The following ITGAX variants were observed in gnomAD, a reference collection of about 807,000 sequenced individuals.
The protein encoded by ITGAX is integrin subunit alpha X.
In ITGAX, 99 loss-of-function variants were observed where a neutral mutation model predicts 140.2. That is an observed-to-expected ratio of 0.71 (90% CI 0.60 to 0.83). The LOEUF is 0.83. Among genes scored for constraint, ITGAX ranks in the 40% least tolerant of loss-of-function variants. ITGAX has a pLI of 0.00. For synonymous variants in ITGAX, 631 were observed against 600.4 expected, an observed-to-expected ratio of 1.05 and a Z score of -0.75; for missense variants, 1,444 against 1,482.0, an observed-to-expected ratio of 0.97 and a Z score of 0.42.
chr16:31,372,498 T>G lies in ITGAX; in HGVS notation c.2281T>G (p.Phe761Val). ...GCTGGCCGCCGATGCTCAGAGATAC[T>G]TCACGGCCTCCGTGAGTCCTGGCAC... ...PMLAADAQRY[F>V]TASLPFEKNC... The change falls in exon 18 of 30, where the codon TTC (phenylalanine) becomes GTC (valine). Residue 761 changes from phenylalanine (F) to valine (V), a missense_variant. By Grantham distance (50) the Phe-to-Val change is conservative. Transcript: ENST00000268296. 2 of 1,609,698 alleles carry G rather than the reference T, an allele frequency of 1.2e-6. No individual in the cohort carries two copies. Among genetic ancestry groups the G allele is most frequent in the Non-Finnish European group, 1.7e-6 (2 of 1,178,886 alleles).
intron 1 of ITGAX, among the ~76,000 whole-genome samples, 185 bp from the exon 2 acceptor site, chr16:31,355,708 A>T (rs1486622496): frequency 1.3e-5 from 2 of 152,104 alleles, no homozygotes; most frequent in African/African-American, 4.8e-5. Flanking sequence ...TCGATAGTGG[A>T]TGGTGGGCAA....
At chr16:31,372,167 G>A (rs1008255554) in intron 17 of ITGAX, among the ~76,000 whole-genome samples, 3 of 138,836 alleles carry the variant, frequency 2.2e-5, no homozygotes, top group Admixed American at 6.9e-5. Context: ...GGGAGGTCTG[G>A]GGGGGGGGAG....
In ITGAX at chr16:31,371,106, C is replaced by T; in HGVS notation, c.1733C>T (p.Ser578Phe). The change falls in exon 15 of 30, where the codon TCC (serine) becomes TTC (phenylalanine). Residue 578 changes from serine (S) to phenylalanine (F), a missense_variant. Physicochemically the swap from Ser to Phe is radical, Grantham distance 155 (BLOSUM62 -2). Coordinates refer to ENST00000268296, the MANE Select transcript of ITGAX (RefSeq NM_000887.5). ...HSQRIAGSQL[S>F]SRLQYFGQAL... Reference sequence around the variant, plus strand: ...CAGCGGATCGCGGGCTCCCAGCTCTCCTCCAGGCTGCAGTATTTTGGGCAG... The same window carrying T: ...CAGCGGATCGCGGGCTCCCAGCTCTTCTCCAGGCTGCAGTATTTTGGGCAG... The T allele has an allele frequency of 1.2e-6, 2 of 1,614,138 alleles. No individual in the cohort carries two copies. Among genetic ancestry groups the T allele is most frequent in the East Asian group, 2.2e-5 (1 of 44,884 alleles).
chr16:31,377,386 C>T (rs2081030628), intron 23 of ITGAX, 121 bp downstream of exon 23: 2 of 757,766 alleles, frequency 2.6e-6, no homozygotes, highest in Non-Finnish European at 4.3e-6. Context: ...ACTAAAAGGT[C>T]AGGTGTTTCA....
chr16:31,375,563 C>A (rs2081012496), intron 20 of ITGAX, among the ~76,000 whole-genome samples: 1 of 152,230 alleles, frequency 6.6e-6, no homozygotes, highest in African/African-American at 2.4e-5. Context: ...CTTATATGAC[C>A]TCAACACCAT....
chr16:31,360,828 A>C, intron 8 of ITGAX: 1 of 539,726 alleles, frequency 1.9e-6, no homozygotes, highest in South Asian at 2.3e-5. Flanking sequence ...CCTTTCAAGG[A>C]TAGAAACACC....
intron 14 of ITGAX, among the ~76,000 whole-genome samples, chr16:31,365,797 C>T (rs2080886863): frequency 6.6e-6 from 1 of 152,216 alleles, no homozygotes; most frequent in South Asian, 2.1e-4. Context: ...ATGGCGCATG[C>T]CTATAATCCC....
intron 17 of ITGAX, 61 bp from the exon 18 acceptor site, chr16:31,372,317 A>G: frequency 6.4e-7 from 1 of 1,555,022 alleles, no homozygotes; most frequent in Middle Eastern, 2.2e-4. Context: ...ACTGCGGATG[A>G]GGCCGAGCGC....
At chr16:31,376,655 C>T in intron 20 of ITGAX, 144 bp from the exon 21 acceptor site, 2 of 699,618 alleles carry the variant, frequency 2.9e-6, no homozygotes, top group South Asian at 3.6e-5. Context: ...AAAACATAAG[C>T]TTAAGGTGGG....
chr16:31,380,418 A>G, intron 27 of ITGAX, 39 bp downstream of exon 27: 1 of 1,611,154 alleles, frequency 6.2e-7, no homozygotes, highest in Non-Finnish European at 8.5e-7. Context: ...CCCCAGACTC[A>G]GGCGGGACCT....
intron 1 of ITGAX, among the ~76,000 whole-genome samples, chr16:31,355,596 G>A (rs983421794): frequency 2.0e-5 from 3 of 152,340 alleles, no homozygotes; most frequent in Non-Finnish European, 2.9e-5. Context: ...GCTTTGGTCC[G>A]CAAGTTTTCC....
intron 14 of ITGAX, among the ~76,000 whole-genome samples, chr16:31,365,299 A>C (rs1229746950): frequency 6.6e-6 from 1 of 152,148 alleles, no homozygotes; most frequent in Non-Finnish European, 1.5e-5. Flanking sequence ...TAGTGGTTTC[A>C]CAACTCTCTA....
chr16:31,378,451 G>T (rs1466296665), intron 23 of ITGAX, among the ~76,000 whole-genome samples: 1 of 152,022 alleles, frequency 6.6e-6, no homozygotes, highest in East Asian at 1.9e-4. Context: ...TCTGCAGGCA[G>T]CTATGAGCTC....
intron 14 of ITGAX, among the ~76,000 whole-genome samples, chr16:31,364,592 G>A (rs8058958): frequency 0.031 from 4,726 of 152,188 alleles, 263 homozygotes; most frequent in African/African-American, 0.11. Flanking sequence ...CTACTAGAAT[G>A]GCTAGAAACA....
At chr16:31,362,261 C>T in intron 11 of ITGAX, 57 bp downstream of exon 11, 1 of 1,607,846 alleles carries the variant, frequency 6.2e-7, no homozygotes. Context: ...AGGGTGGGGT[C>T]CAGGGTTCTG....
rs777199815 is a variant in ITGAX, at chr16:31,372,427, C to T, written c.2210C>T (p.Thr737Met). ...CCCATTACCTTGCGTCTGAACTTCACGCTGGTGGGCAAGCCCCTCCTTGCC... is the reference window on the plus strand; with the variant it reads ...CCCATTACCTTGCGTCTGAACTTCATGCTGGTGGGCAAGCCCCTCCTTGCC... ...VTPITLRLNF[T>M]LVGKPLLAFR... The change falls in exon 18 of 30, where the codon ACG (threonine) becomes ATG (methionine). Residue 737 changes from threonine to methionine, a missense_variant. Physicochemically the swap from Thr to Met is moderately conservative, Grantham distance 81. Transcript: ENST00000268296. The T allele has an allele frequency of 5.0e-6, 8 of 1,609,398 alleles. No individual in the cohort carries two copies. The highest frequency in any genetic ancestry group is 6.8e-6 in the Non-Finnish European group (8 of 1,178,862).
chr16:31,382,873 A>G lies in ITGAX; in HGVS notation c.*966A>G. 1 of 202,572 alleles carries G rather than the reference A, an allele frequency of 4.9e-6. No homozygotes were observed. 12.5% of individuals were successfully genotyped at this position (202,572 alleles called of 1,614,324 possible). ...ATAGTACCTGAAAAAATGCCAAGAC[A>G]TGATTATTTTTTTAAAAAGCGTACT... On this transcript the variant is annotated 3_prime_UTR_variant, in exon 30 of 30. Transcript: ENST00000268296.
chr16:31,373,094 T>TA (rs967685799), intron 19 of ITGAX, among the ~76,000 whole-genome samples, 155 bp from the exon 20 acceptor site: 13 of 114,384 alleles, frequency 1.1e-4, no homozygotes, highest in South Asian at 8.7e-4. Flanking sequence ...CTCTGTCTCT[T>TA]AAAAAAAAAG....
In ITGAX at chr16:31,363,236, TC is replaced by T; in HGVS notation, c.1573del (p.Leu525Ter). On this transcript the variant is annotated frameshift_variant, in exon 14 of 30. Coordinates refer to ENST00000268296, the MANE Select transcript of ITGAX (RefSeq NM_000887.5). LOFTEE classifies it high-confidence loss of function. ...GHPWGRFGAA[L>X]TVLGDVNGDK... ...ACCCCTGGGGTCGCTTTGGGGCGGCTCTGACAGTGCTGGGGGATGTGAATGG... is the reference window on the plus strand; with the variant it reads ...ACCCCTGGGGTCGCTTTGGGGCGGCTTGACAGTGCTGGGGGATGTGAATGG... 6.2e-7 allele frequency: 1 copy of T among 1,613,604 alleles called. No individual in the cohort carries two copies.
Sources: allele counts gnomAD v4.1 joint callset (sites outside exome capture counted in the v4.1 genomes callset), GRCh38; gene constraint gnomAD v4.1.1; transcripts MANE v1.5; gene names NCBI Gene and HGNC (gene_info 2026-07-23, HGNC 2026-07-21).